Variants in SLC10A7 observed in about 807,000 individuals in gnomAD.
The protein encoded by SLC10A7 is sodium/bile acid cotransporter 7.
A neutral mutation model predicts 43.2 loss-of-function variants in SLC10A7; 29 were observed. The observed-to-expected ratio is 0.67, with a 90% confidence interval of 0.50 to 0.92. SLC10A7 has a LOEUF of 0.92. SLC10A7 is among the 40% of genes least tolerant of loss of function. The pLI is 0.00. For synonymous variants in SLC10A7, 152 were observed against 144.8 expected (o/e 1.05, Z -0.35); for missense variants, 295 against 403.2 (o/e 0.73, Z 2.30).
chr4:146,293,989 G>A lies in SLC10A7; in HGVS notation c.662C>T (p.Thr221Met), dbSNP rs201501147. The change falls in exon 8 of 12, where the codon ACG (threonine) becomes ATG (methionine). Residue 221 changes from threonine to methionine, a missense_variant. By Grantham distance (81) the Thr-to-Met change is moderately conservative. Coordinates refer to ENST00000335472, the MANE Select transcript of SLC10A7 (RefSeq NM_001029998.6). ...LMIIYTTFCDTFSNPNIDLDK... is the reference protein window; with the variant it reads ...LMIIYTTFCDMFSNPNIDLDK... Reference sequence around the variant, plus strand: ...CAGGTCAATATTTGGGTTAGAGAACGTGTCACAGAATGTTGTGTAGATGAT... The same window carrying A: ...CAGGTCAATATTTGGGTTAGAGAACATGTCACAGAATGTTGTGTAGATGAT... The A allele has an allele frequency of 6.1e-5, 99 of 1,613,336 alleles. No individual in the cohort carries two copies. Among genetic ancestry groups the A allele is most frequent in the Middle Eastern group, 3.3e-4 (2 of 6,082 alleles).
At chr4:146,495,087 C>A (rs1363171587) in intron 4 of SLC10A7, among the ~76,000 whole-genome samples, 1 of 150,058 alleles carries the variant, frequency 6.7e-6, no homozygotes, top group Non-Finnish European at 1.5e-5. Context: ...GTTCTTTCAT[C>A]TGTTAAAGAG....
At chr4:146,512,149 T>C (rs1737543222) in intron 2 of SLC10A7, among the ~76,000 whole-genome samples, 1 of 151,846 alleles carries the variant, frequency 6.6e-6, no homozygotes, top group Non-Finnish European at 1.5e-5. Context: ...AATTTTTGTA[T>C]TTTGAGTAGA....
chr4:146,518,186 T>G (rs2150062014), intron 1 of SLC10A7, among the ~76,000 whole-genome samples: 2 of 152,300 alleles, frequency 1.3e-5, no homozygotes, highest in South Asian at 2.1e-4. Context: ...CCTAATGTGC[T>G]AACAAAAAAC....
At chr4:146,323,961 C>T (rs1732922502) in intron 6 of SLC10A7, among the ~76,000 whole-genome samples, 1 of 152,154 alleles carries the variant, frequency 6.6e-6, no homozygotes, top group African/African-American at 2.4e-5. Flanking sequence ...AGCTGATAAG[C>T]AACTTCAGCA....
chr4:146,441,649 G>C, intron 5 of SLC10A7: 1 of 966,688 alleles, frequency 1.0e-6, no homozygotes, highest in Non-Finnish European at 1.2e-6. Context: ...TCTAAACTAA[G>C]CAATCCGAGA....
chr4:146,401,303 T>G (rs879831671), intron 5 of SLC10A7, among the ~76,000 whole-genome samples: 6 of 152,174 alleles, frequency 3.9e-5, no homozygotes, highest in Non-Finnish European at 8.8e-5. Flanking sequence ...CTCCCCAAAT[T>G]ATGGTTACTA....
chr4:146,294,246 C>G, intron 7 of SLC10A7, 151 bp from the exon 8 acceptor site: 1 of 556,026 alleles, frequency 1.8e-6, no homozygotes, highest in Non-Finnish European at 3.1e-6. Flanking sequence ...CCCTGCCACA[C>G]TACTCTTCTT....
chr4:146,328,756 C>T (rs1029829882), intron 5 of SLC10A7, among the ~76,000 whole-genome samples: 1 of 152,082 alleles, frequency 6.6e-6, no homozygotes, highest in Non-Finnish European at 1.5e-5. Context: ...AATACTGTGC[C>T]CATCCAGAAT....
At chr4:146,294,919 T>C (rs1730677681) in intron 7 of SLC10A7, among the ~76,000 whole-genome samples, 1 of 152,136 alleles carries the variant, frequency 6.6e-6, no homozygotes, top group Non-Finnish European at 1.5e-5. Flanking sequence ...GCTGTACAAG[T>C]CCCATCATAA....
chr4:146,289,605 T>C (rs570914730), intron 9 of SLC10A7, among the ~76,000 whole-genome samples: 3 of 152,170 alleles, frequency 2.0e-5, no homozygotes, highest in Non-Finnish European at 2.9e-5. Context: ...AGCTGACTCT[T>C]GGCTTGATGA....
chr4:146,456,650 GCTCT>G (rs1732083619), intron 4 of SLC10A7, among the ~76,000 whole-genome samples: 1 of 151,920 alleles, frequency 6.6e-6, no homozygotes, highest in South Asian at 2.1e-4. Context: ...GAGCTTCTAT[GCTCT>G]CTCAGAGAAC....
intron 3 of SLC10A7, among the ~76,000 whole-genome samples, chr4:146,509,582 A>T (rs184304645): frequency 6.6e-6 from 1 of 152,302 alleles, no homozygotes; most frequent in East Asian, 1.9e-4. Flanking sequence ...CTCAGCTATT[A>T]TCTAATTAAT....
intron 5 of SLC10A7, among the ~76,000 whole-genome samples, chr4:146,333,058 A>G (rs917859545): frequency 2.0e-5 from 3 of 152,194 alleles, no homozygotes; most frequent in African/African-American, 7.2e-5. Flanking sequence ...GAAAAGGTGA[A>G]TATATGGTTT....
intron 10 of SLC10A7, among the ~76,000 whole-genome samples, chr4:146,272,738 C>A (rs562217425): frequency 1.2e-4 from 19 of 152,276 alleles, no homozygotes; most frequent in African/African-American, 4.6e-4. Flanking sequence ...GGGTGAGAGT[C>A]TTCACTTCAA....
intron 5 of SLC10A7, among the ~76,000 whole-genome samples, chr4:146,375,607 T>C (rs558173067): frequency 6.6e-6 from 1 of 152,352 alleles, no homozygotes; most frequent in Non-Finnish European, 1.5e-5. Context: ...TATCTCCTTT[T>C]AACAAGCTGT....
intron 11 of SLC10A7, 88 bp from the exon 12 acceptor site, chr4:146,256,608 AGAAG>A: frequency 7.0e-7 from 1 of 1,434,340 alleles, no homozygotes; most frequent in Non-Finnish European, 9.8e-7. Flanking sequence ...TTATGCTATT[AGAAG>A]GAAGAAGAGG....
intron 10 of SLC10A7, among the ~76,000 whole-genome samples, chr4:146,266,447 GC>G (rs1469202374): frequency 1.3e-5 from 2 of 150,898 alleles, no homozygotes; most frequent in Non-Finnish European, 3.0e-5. Flanking sequence ...ACACATGCAC[GC>G]ACACACACAC....
At chr4:146,321,941 A>G (rs941424312) in intron 6 of SLC10A7, among the ~76,000 whole-genome samples, 3 of 152,192 alleles carry the variant, frequency 2.0e-5, no homozygotes, top group Non-Finnish European at 4.4e-5. Flanking sequence ...AAGTCAAAAT[A>G]CCATAAGTAT....
At chr4:146,416,840 C>T (rs1347594649) in intron 5 of SLC10A7, among the ~76,000 whole-genome samples, 1 of 152,230 alleles carries the variant, frequency 6.6e-6, no homozygotes, top group South Asian at 2.1e-4. Context: ...TCTCCTACCT[C>T]AATACCTTTG....
Sources: gnomAD v4.1 joint callset for allele counts (sites outside exome capture counted in the v4.1 genomes callset) on GRCh38, gnomAD v4.1.1 for gene constraint, MANE v1.5 for transcripts, NCBI Gene and HGNC (gene_info 2026-07-23, HGNC 2026-07-21) for gene names.